Variants in MTX2 observed in about 807,000 individuals in gnomAD.
MTX2 encodes the protein metaxin 2, also known as metaxin-2.
Under a neutral mutation model 42.3 loss-of-function variants are expected in MTX2, and 35 were observed. The ratio of observed to expected loss-of-function variants is 0.83; its 90% CI spans 0.63 to 1.10. The LOEUF is 1.10. Ranked by LOEUF, MTX2 falls within the 50% of genes least tolerant of loss-of-function variation. The pLI is 0.00. For missense variants in MTX2, 307 were observed against 304.1 expected (o/e 1.01, Z -0.07); for synonymous variants, 119 against 100.9 (o/e 1.18, Z -1.08).
intron 3 of MTX2, among the ~76,000 whole-genome samples, chr2:176,320,640 C>G (rs1439809564): frequency 2.0e-5 from 3 of 151,826 alleles, no homozygotes; most frequent in Non-Finnish European, 4.4e-5. Context: ...GTGTCCTGTT[C>G]TGACAAAAAC....
rs145924502 is a variant in MTX2, at chr2:176,286,713, C to T, written c.41-10147C>T. On this transcript the variant is annotated intron_variant, in intron 1 of 9. Coordinates refer to ENST00000249442, the MANE Select transcript of MTX2 (RefSeq NM_006554.5). ...TACAGGTATGCACCACCATGCCCGG[C>T]TAATTTTGTATTTTTAGTAGAGATG... Among the ~76,000 whole-genome samples, 998 of 152,168 alleles carry T rather than the reference C, an allele frequency of 6.6e-3. 15 individuals carry two copies. Among genetic ancestry groups the T allele is most frequent in the African/African-American group, 0.023 (937 of 41,526 alleles).
At chr2:176,308,054 C>G (rs764689427) in intron 3 of MTX2, among the ~76,000 whole-genome samples, 1 of 151,886 alleles carries the variant, frequency 6.6e-6, no homozygotes, top group Admixed American at 6.6e-5. Context: ...ATAGCTCTTA[C>G]TATTTTGAGA....
At chr2:176,303,214 T>A (rs1385681266) in intron 3 of MTX2, among the ~76,000 whole-genome samples, 3 of 152,014 alleles carry the variant, frequency 2.0e-5, no homozygotes, top group Non-Finnish European at 4.4e-5. Context: ...ATATAATATT[T>A]TATGAAAAAG....
intron 3 of MTX2, among the ~76,000 whole-genome samples, chr2:176,321,676 A>G (rs1053408097): frequency 6.6e-6 from 1 of 152,184 alleles, no homozygotes; most frequent in African/African-American, 2.4e-5. Flanking sequence ...GAGGAAAAAG[A>G]GGAGATACTT....
chr2:176,319,860 C>CAAAAATTTTT (rs1684535139), intron 3 of MTX2, among the ~76,000 whole-genome samples: 1 of 152,034 alleles, frequency 6.6e-6, no homozygotes, highest in South Asian at 2.1e-4. Flanking sequence ...AGGCATGAGC[C>CAAAAATTTTT]AAAAATTTTT....
chr2:176,327,669 T>G (rs984639575), intron 5 of MTX2, among the ~76,000 whole-genome samples: 3 of 150,350 alleles, frequency 2.0e-5, no homozygotes, highest in Admixed American at 6.7e-5. Context: ...CATGGCCAAT[T>G]TTTTGTTTTT....
intron 3 of MTX2, among the ~76,000 whole-genome samples, chr2:176,306,006 T>G (rs1684134039): frequency 1.3e-5 from 2 of 152,166 alleles, no homozygotes; most frequent in African/African-American, 4.8e-5. Context: ...GTTGGTTTGC[T>G]GCACCCATCT....
At chr2:176,328,733 G>T (rs1032474844) in intron 6 of MTX2, 141 bp from the exon 7 acceptor site, 11 of 662,504 alleles carry the variant, frequency 1.7e-5, no homozygotes, top group Non-Finnish European at 2.9e-5. Context: ...CATTTTTGTG[G>T]ATAGCAGCTA....
At chr2:176,296,206 GGC>G (rs1243611016) in intron 1 of MTX2, among the ~76,000 whole-genome samples, 7 of 152,036 alleles carry the variant, frequency 4.6e-5, no homozygotes, top group African/African-American at 1.4e-4. Flanking sequence ...TATCTTTACT[GGC>G]ATTATTTCAC....
chr2:176,298,372 C>T (rs1575043568), intron 3 of MTX2, among the ~76,000 whole-genome samples: 1 of 151,990 alleles, frequency 6.6e-6, no homozygotes, highest in African/African-American at 2.4e-5. Context: ...TCTAGCCACT[C>T]CTCATATATT....
At chr2:176,300,133 TAGAGAGACAG>T (rs1446497145) in intron 3 of MTX2, among the ~76,000 whole-genome samples, 3 of 151,494 alleles carry the variant, frequency 2.0e-5, no homozygotes. Flanking sequence ...ATGCACACAC[TAGAGAGACAG>T]AGAGAGAGAG....
intron 1 of MTX2, among the ~76,000 whole-genome samples, chr2:176,276,821 G>C (rs1186553388): frequency 6.6e-6 from 1 of 151,816 alleles, no homozygotes; most frequent in East Asian, 1.9e-4. Flanking sequence ...TTACTCCACC[G>C]GTGCCTTGCC....
At chr2:176,287,622 C>G (rs756728184) in intron 1 of MTX2, among the ~76,000 whole-genome samples, 2 of 152,158 alleles carry the variant, frequency 1.3e-5, no homozygotes, top group Non-Finnish European at 2.9e-5. Context: ...ACAGTAGACT[C>G]TTATGTCAGT....
At chr2:176,288,203 T>C (rs1251076569) in intron 1 of MTX2, among the ~76,000 whole-genome samples, 1 of 152,092 alleles carries the variant, frequency 6.6e-6, no homozygotes, top group Non-Finnish European at 1.5e-5. Context: ...GAATTTAATA[T>C]ATAGCCCTTA....
intron 3 of MTX2, among the ~76,000 whole-genome samples, chr2:176,300,254 AC>A (rs777947638): frequency 6.6e-6 from 1 of 152,058 alleles, no homozygotes; most frequent in Non-Finnish European, 1.5e-5. Context: ...ATTCTCTGTT[AC>A]CCCCAAATCC....
intron 3 of MTX2, among the ~76,000 whole-genome samples, chr2:176,300,462 T>C (rs948017378): frequency 1.3e-5 from 2 of 152,136 alleles, no homozygotes; most frequent in African/African-American, 2.4e-5. Flanking sequence ...TATATTAAGT[T>C]CAAAATCTGA....
At chr2:176,285,095 A>G (rs1186002448) in intron 1 of MTX2, among the ~76,000 whole-genome samples, 2 of 152,208 alleles carry the variant, frequency 1.3e-5, no homozygotes, top group African/African-American at 4.8e-5. Flanking sequence ...TAGCTAATTT[A>G]GTTGTGTGTT....
rs987819273 is a variant in MTX2 at position 176,269,470 on chromosome 2, G to C, written c.-160G>C. 10 of 748,980 alleles carry C rather than the reference G, an allele frequency of 1.3e-5. No homozygotes were observed. Among genetic ancestry groups the C allele is most frequent in the Admixed American group, 1.1e-4 (3 of 28,220 alleles). The allele number at this position is 748,980 out of a possible 1,614,324, so 46.4% of individuals were successfully genotyped here. A position where few individuals can be genotyped will look rare whatever the true frequency, so the allele number is the denominator to read the frequency against. On this transcript the variant is annotated 5_prime_UTR_variant, in exon 1 of 10. Coordinates refer to ENST00000249442, the MANE Select transcript of MTX2 (RefSeq NM_006554.5). ...CCTAGCCAGGCCTGGCGGTAACCTT[G>C]GGGGCCTCACTGCAGCCGCCGCTGC...
In MTX2 at chr2:176,273,405, T is replaced by C. The variant is rs1480519708; in HGVS notation, c.40+3736T>C. ...TTTCTGGTAGTACAGGTTGGAGTTA[T>C]GTATCTATATAGATCTGTTATAACT... On this transcript the variant is annotated intron_variant, in intron 1 of 9. Coordinates refer to ENST00000249442, the MANE Select transcript of MTX2 (RefSeq NM_006554.5). 2.6e-5 allele frequency among the ~76,000 whole-genome samples: 4 copies of C among 152,218 alleles called. No individual in the cohort carries two copies. The East Asian group carries it at 5.8e-4, about 22-fold the overall frequency.
Sources: allele counts gnomAD v4.1 joint callset (sites outside exome capture counted in the v4.1 genomes callset), GRCh38; gene constraint gnomAD v4.1.1; transcripts MANE v1.5; gene names NCBI Gene and HGNC (gene_info 2026-07-23, HGNC 2026-07-21).